Variants in KLHL10 observed in about 807,000 individuals in gnomAD.
KLHL10 encodes the protein kelch like family member 10, also known as kelch-like protein 10.
Under a neutral mutation model 46.6 loss-of-function variants are expected in KLHL10, and 11 were observed. The observed-to-expected ratio is 0.24, with a 90% CI of 0.15 to 0.39. The LOEUF (loss-of-function observed/expected upper bound fraction) is 0.39, where lower values mean the gene tolerates loss of function less well. KLHL10 is among the 10% of genes least tolerant of loss of function. The pLI, the probability that KLHL10 is intolerant of heterozygous loss-of-function variation, is 1.00. For synonymous variants in KLHL10, 254 were observed against 279.1 expected, an observed-to-expected ratio of 0.91 and a Z score of 0.90; for missense variants, 475 against 789.8, an observed-to-expected ratio of 0.60 and a Z score of 4.78.
At chr17:41,847,883 G>T in intron 4 of KLHL10, 50 bp from the exon 5 acceptor site, 1 of 1,611,852 alleles carries the variant, frequency 6.2e-7, no homozygotes, top group South Asian at 1.1e-5. Flanking sequence ...CTTCCTCAGT[G>T]AACAGAATCA....
At chr17:41,845,925 T>A (rs1178571140) in intron 3 of KLHL10, 182 bp downstream of exon 3, 1 of 857,494 alleles carries the variant, frequency 1.2e-6, no homozygotes, top group Non-Finnish European at 1.8e-6. Context: ...TGAAAAGTAA[T>A]GCAAAGCCGG....
intron 4 of KLHL10, 123 bp from the exon 5 acceptor site, chr17:41,847,810 G>A: frequency 7.2e-7 from 1 of 1,394,214 alleles, no homozygotes. Context: ...CGGCTGAAAA[G>A]CTTTTTTTCA....
intron 2 of KLHL10, among the ~76,000 whole-genome samples, chr17:41,844,218 CCTGG>C (rs1205268688): frequency 1.3e-5 from 2 of 148,888 alleles, no homozygotes; most frequent in Non-Finnish European, 3.0e-5. Context: ...CGGCACCATG[CCTGG>C]CTAATTTTTT....
At chr17:41,839,363 C>G (rs1597933093) in intron 1 of KLHL10, among the ~76,000 whole-genome samples, 1 of 152,264 alleles carries the variant, frequency 6.6e-6, no homozygotes, top group Middle Eastern at 3.4e-3. Context: ...TGATTCTCAC[C>G]CAAACCAACC....
upstream of KLHL10, chr17:41,837,764 A>G: frequency 7.0e-7 from 1 of 1,438,344 alleles, no homozygotes; most frequent in Non-Finnish European, 9.1e-7. Flanking sequence ...CTGAGAGCAC[A>G]ATCCTGTGTG....
intron 1 of KLHL10, among the ~76,000 whole-genome samples, chr17:41,841,302 G>A (rs1309081094): frequency 6.6e-6 from 1 of 152,042 alleles, no homozygotes; most frequent in East Asian, 1.9e-4. Context: ...AAGATAAAAA[G>A]CAGTGAGTGG....
chr17:41,841,207 G>T (rs2048222887), intron 1 of KLHL10, among the ~76,000 whole-genome samples: 1 of 152,022 alleles, frequency 6.6e-6, no homozygotes, highest in African/African-American at 2.4e-5. Flanking sequence ...TTCTCATGAA[G>T]TTTACCCCCT....
rs1021386878 is a variant in KLHL10 at position 41,838,775 on chromosome 17, G to A, written c.194+649G>A. 1.9e-4 allele frequency among the ~76,000 whole-genome samples: 29 copies of A among 150,108 alleles called. 1 individual carries two copies. The highest frequency in any genetic ancestry group is 1.7e-3 in the Admixed American group (26 of 14,964). On this transcript the variant is annotated intron_variant, in intron 1 of 4. Coordinates refer to ENST00000293303, the MANE Select transcript of KLHL10 (RefSeq NM_152467.5). Reference sequence around the variant, plus strand: ...GCCATCTCGGCTCACTGCAAACTCCGCCTCCCCAGTTCAATCCATTCTCCC... The same window carrying A: ...GCCATCTCGGCTCACTGCAAACTCCACCTCCCCAGTTCAATCCATTCTCCC...
chr17:41,842,325 T>G lies in KLHL10; in HGVS notation c.684+13T>G, dbSNP rs1555620845. 6.2e-7 allele frequency: 1 copy of G among 1,613,482 alleles called. No individual in the cohort carries two copies. The highest frequency in any genetic ancestry group is 1.1e-5 in the South Asian group (1 of 91,056). Reference sequence around the variant, plus strand: ...TTTGCTTCCTAAGGTCAGTGTTCACTCTTGATTCATTTATCACAGAGAGAT... The same window carrying G: ...TTTGCTTCCTAAGGTCAGTGTTCACGCTTGATTCATTTATCACAGAGAGAT... On this transcript the variant is annotated intron_variant, in intron 2 of 4. Coordinates refer to ENST00000293303, the MANE Select transcript of KLHL10 (RefSeq NM_152467.5).
At chr17:41,838,284 T>G (rs2048190532) in intron 1 of KLHL10, among the ~76,000 whole-genome samples, 158 bp downstream of exon 1, 2 of 152,102 alleles carry the variant, frequency 1.3e-5, no homozygotes, top group Middle Eastern at 3.2e-3. Context: ...TTTTTAGAGA[T>G]AAGCTCTCAT....
At chr17:41,844,981 CTATT>C (rs2048269382) in intron 2 of KLHL10, 141 bp from the exon 3 acceptor site, 2 of 998,318 alleles carry the variant, frequency 2.0e-6, no homozygotes, top group Non-Finnish European at 3.1e-6. Context: ...TCAAAATCGA[CTATT>C]TAAACTGTGA....
intron 1 of KLHL10, among the ~76,000 whole-genome samples, chr17:41,840,643 CAAA>C (rs34129401): frequency 1.5e-5 from 2 of 137,462 alleles, no homozygotes; most frequent in Non-Finnish European, 1.6e-5. Flanking sequence ...GACTCCATCT[CAAA>C]AAAAAAAAAA....
chr17:41,835,831 G>C, upstream of KLHL10: 1 of 1,582,208 alleles, frequency 6.3e-7, no homozygotes, highest in Non-Finnish European at 8.6e-7. Flanking sequence ...CCCCCAGCCC[G>C]GCCGGCCCCC....
Position 41,841,919 on chromosome 17 carries a change from A to C in KLHL10, c.291A>C (p.Ala97=), listed in dbSNP as rs536242171. 2 of 1,614,218 alleles carry C rather than the reference A, an allele frequency of 1.2e-6. No individual in the cohort carries two copies. The change falls in exon 2 of 5, where the codon GCA becomes GCC. Residue 97 remains alanine, a synonymous_variant. Transcript: ENST00000293303. ...PDMMKLIIEY[A]YTRTVPITPD... ...TGATGAAGCTAATCATTGAGTATGCATACACCCGGACCGTGCCTATCACAC... is the reference window on the plus strand; with the variant it reads ...TGATGAAGCTAATCATTGAGTATGCCTACACCCGGACCGTGCCTATCACAC...
In KLHL10 at chr17:41,847,337, G is replaced by A; in HGVS notation, c.1379G>A (p.Trp460Ter). The A allele has an allele frequency of 6.2e-7, 1 of 1,613,862 alleles. No homozygotes were observed. The highest frequency in any genetic ancestry group is 8.5e-7 in the Non-Finnish European group (1 of 1,179,928). Residue 460 changes from tryptophan (W) to a stop codon, truncating the protein, a stop_gained, in exon 4 of 5, where the codon TGG (tryptophan) becomes TAG (stop). Transcript: ENST00000293303. LOFTEE classifies it high-confidence loss of function. ...GTGTATAACACTGAAAGTAATCAGTGGACAGTCATAGCACCCATGAGAAGC... is the reference window on the plus strand; with the variant it reads ...GTGTATAACACTGAAAGTAATCAGTAGACAGTCATAGCACCCATGAGAAGC... The part of the protein sequence containing the change: ...AEVYNTESNQ[W>*]TVIAPMRSRR...
intron 2 of KLHL10, among the ~76,000 whole-genome samples, chr17:41,844,387 C>T (rs1454813391): frequency 4.6e-5 from 7 of 151,718 alleles, no homozygotes; most frequent in African/African-American, 1.5e-4. Flanking sequence ...CCTGCCACCA[C>T]GCCCAGCTAA....
rs565171885 is a variant in KLHL10 at position 41,843,025 on chromosome 17, C to T, written c.684+713C>T. 3.3e-5 allele frequency among the ~76,000 whole-genome samples: 5 copies of T among 149,952 alleles called. No homozygotes were observed. In the East Asian group the frequency reaches 9.9e-4, roughly 30 times the overall value. ...GCAGTTCCAGCTACTGGGTGGAAGGCTGAAATGGGAGGACTGCTTGAGCCT... is the reference window on the plus strand; with the variant it reads ...GCAGTTCCAGCTACTGGGTGGAAGGTTGAAATGGGAGGACTGCTTGAGCCT... On this transcript the variant is annotated intron_variant, in intron 2 of 4. Coordinates refer to ENST00000293303, the MANE Select transcript of KLHL10 (RefSeq NM_152467.5).
At chr17:41,844,542 AT>A (rs369578859) in intron 2 of KLHL10, among the ~76,000 whole-genome samples, 1 of 115,346 alleles carries the variant, frequency 8.7e-6, no homozygotes, top group Non-Finnish European at 1.7e-5. Flanking sequence ...TGGTTTTTGT[AT>A]TTTTTTTTTT....
chr17:41,838,635 T>C (rs1198284405), intron 1 of KLHL10, among the ~76,000 whole-genome samples: 3 of 111,990 alleles, frequency 2.7e-5, no homozygotes, highest in African/African-American at 6.9e-5. Context: ...TTTTCTCTCT[T>C]TTTTTTTTTT....
Sources: allele counts gnomAD v4.1 joint callset (sites outside exome capture counted in the v4.1 genomes callset), GRCh38; gene constraint gnomAD v4.1.1; transcripts MANE v1.5; gene names NCBI Gene and HGNC (gene_info 2026-07-23, HGNC 2026-07-21).